The following DMD variants were observed in gnomAD, a reference collection of about 807,000 sequenced individuals.
DMD encodes the protein dystrophin.
DMD carries 63 observed loss-of-function variants against 330.1 expected under a neutral mutation model. That is an observed-to-expected ratio of 0.19 (90% CI 0.16 to 0.24). DMD has a LOEUF of 0.24. Among genes scored for constraint, DMD ranks in the 10% least tolerant of loss-of-function variants. The probability of loss-of-function intolerance (pLI) is 1.00; values close to 1 mark genes in which losing one functional copy is unlikely to be tolerated. For missense variants in DMD, 3,344 were observed against 2,684.1 expected, an observed-to-expected ratio of 1.25 and a Z score of -5.43; for synonymous variants, 1,223 against 959.8, an observed-to-expected ratio of 1.27 and a Z score of -5.07.
chrX:31,861,772 G>A (rs866561069), intron 48 of DMD, among the ~76,000 whole-genome samples: 1 of 39,985 alleles, frequency 2.5e-5, no homozygotes, highest in Non-Finnish European at 4.6e-5. Flanking sequence ...CACACACACA[G>A]GCATTTTAGT....
intron 49 of DMD, among the ~76,000 whole-genome samples, chrX:31,832,028 A>T (rs2093058639): frequency 8.9e-6 from 1 of 112,623 alleles, no homozygotes; most frequent in South Asian, 3.6e-4. Context: ...ATTGGCATGG[A>T]AATTGTGCTC....
intron 74 of DMD, among the ~76,000 whole-genome samples, chrX:31,161,780 TC>T (rs1432732696): frequency 9.0e-6 from 1 of 110,882 alleles, no homozygotes; most frequent in East Asian, 2.8e-4. Context: ...TTTTTCTCAA[TC>T]CTCCCCCCCG....
intron 44 of DMD, among the ~76,000 whole-genome samples, chrX:32,040,977 C>T (rs2095997042): frequency 9.0e-6 from 1 of 111,267 alleles, no homozygotes; most frequent in Admixed American, 9.6e-5. Flanking sequence ...ATACGTGCTT[C>T]ATGAACACTT....
At chrX:31,224,228 GAATC>G (rs942874333) in intron 63 of DMD, among the ~76,000 whole-genome samples, 12 of 111,570 alleles carry the variant, frequency 1.1e-4, no homozygotes, top group African/African-American at 3.3e-4. Flanking sequence ...CTGACCAACT[GAATC>G]AATAAACAAA....
chrX:33,132,057 C>T (rs972667049), intron 1 of DMD, among the ~76,000 whole-genome samples: 3 of 112,070 alleles, frequency 2.7e-5, no homozygotes, highest in Non-Finnish European at 5.6e-5. Flanking sequence ...AAATAATCCT[C>T]AACTCCTCTT....
At chrX:33,093,333 TTTCTC>T (rs1740840466) in intron 1 of DMD, among the ~76,000 whole-genome samples, 1 of 112,573 alleles carries the variant, frequency 8.9e-6, no homozygotes, top group African/African-American at 3.2e-5. Flanking sequence ...AATATTAACA[TTTCTC>T]TGACTGAGTG....
At chrX:31,585,407 G>A (rs1206172305) in intron 55 of DMD, among the ~76,000 whole-genome samples, 2 of 106,931 alleles carry the variant, frequency 1.9e-5, no homozygotes, top group Non-Finnish European at 3.8e-5. Flanking sequence ...GACCCGACTT[G>A]CCGAACCAGT....
At chrX:32,221,301 T>G (rs1426810621) in intron 43 of DMD, among the ~76,000 whole-genome samples, 3 of 108,825 alleles carry the variant, frequency 2.8e-5, no homozygotes, top group Non-Finnish European at 5.7e-5. Context: ...TTTGATTAGG[T>G]GAGGAGGAGG....
At chrX:32,651,138 CTT>C (rs200620583) in intron 9 of DMD, among the ~76,000 whole-genome samples, 7 of 103,710 alleles carry the variant, frequency 6.7e-5, no homozygotes, top group African/African-American at 2.6e-4. Context: ...TATAATATAA[CTT>C]TTTTTTTTTC....
Position 32,911,713 on chromosome X carries a change from G to A in DMD, c.94-61893C>T, listed in dbSNP as rs763485527. 6.2e-4 allele frequency among the ~76,000 whole-genome samples: 69 copies of A among 111,238 alleles called. 2 individuals are homozygous for A. The highest frequency in any genetic ancestry group is 2.1e-3 in the African/African-American group (66 of 30,727). Reference sequence around the variant, plus strand: ...AAAGTTAAGTTTGACATTGTCAAGTGTTAGAATTTGGGAGCAAGCAGAATT... The same window carrying A: ...AAAGTTAAGTTTGACATTGTCAAGTATTAGAATTTGGGAGCAAGCAGAATT... On this transcript the variant is annotated intron_variant, in intron 2 of 78. Transcript: ENST00000357033.
At chrX:32,322,997 A>T (rs1387943004) in intron 41 of DMD, among the ~76,000 whole-genome samples, 1 of 112,423 alleles carries the variant, frequency 8.9e-6, no homozygotes, top group Non-Finnish European at 1.9e-5. Flanking sequence ...ACTGAAGTAC[A>T]GTTGGCCCTC....
chrX:33,118,402 G>A (rs1428883785), intron 1 of DMD, among the ~76,000 whole-genome samples: 3 of 111,559 alleles, frequency 2.7e-5, no homozygotes, highest in East Asian at 5.7e-4. Flanking sequence ...GAGCCACCGC[G>A]CCCGGCCAAG....
chrX:31,830,900 G>T (rs2093012643), intron 49 of DMD, among the ~76,000 whole-genome samples: 1 of 111,932 alleles, frequency 8.9e-6, no homozygotes, highest in Admixed American at 9.4e-5. Context: ...AGGCATTGCT[G>T]CTCCTTTACC....
At chrX:33,184,957 C>T (rs1157801571) in intron 1 of DMD, among the ~76,000 whole-genome samples, 1 of 109,393 alleles carries the variant, frequency 9.1e-6, no homozygotes, top group Non-Finnish European at 1.9e-5. Context: ...CTCCTGACCT[C>T]GTGATGCTCC....
At chrX:33,245,665 A>G (rs2052653164) in intron 1 of DMD, among the ~76,000 whole-genome samples, 1 of 112,233 alleles carries the variant, frequency 8.9e-6, no homozygotes, top group Non-Finnish European at 1.9e-5. Context: ...CTCAGTTTAA[A>G]TGAATGCAGT....
At chrX:32,683,253 G>T (rs763580644) in intron 9 of DMD, among the ~76,000 whole-genome samples, 1 of 110,500 alleles carries the variant, frequency 9.0e-6, no homozygotes, top group East Asian at 2.9e-4. Context: ...CAGGGATCTA[G>T]AACTAGAAAT....
intron 55 of DMD, among the ~76,000 whole-genome samples, chrX:31,549,110 T>G (rs2074327041): frequency 9.0e-6 from 1 of 111,547 alleles, no homozygotes; most frequent in Non-Finnish European, 1.9e-5. Flanking sequence ...TGTGTGAAAT[T>G]AGAAAACTAC....
At chrX:31,656,375 G>T (rs111814654) in intron 54 of DMD, among the ~76,000 whole-genome samples, 43 of 112,001 alleles carry the variant, frequency 3.8e-4, no homozygotes, top group African/African-American at 1.3e-3. Flanking sequence ...CTGAGAGAGT[G>T]GCTTGGGCCA....
At chrX:31,874,537 A>G (rs997571698) in intron 48 of DMD, among the ~76,000 whole-genome samples, 1 of 111,768 alleles carries the variant, frequency 8.9e-6, no homozygotes, top group Non-Finnish European at 1.9e-5. Context: ...TTCTAGTAAC[A>G]TAAGTTTAAT....
Sources: gnomAD v4.1 joint callset for allele counts (sites outside exome capture counted in the v4.1 genomes callset) on GRCh38, gnomAD v4.1.1 for gene constraint, MANE v1.5 for transcripts, NCBI Gene and HGNC (gene_info 2026-07-23, HGNC 2026-07-21) for gene names.